The following MINDY2 variants were observed in gnomAD, a reference collection of about 807,000 sequenced individuals.
MINDY2 encodes MINDY lysine 48 deubiquitinase 2.
MINDY2 carries 52 observed loss-of-function variants against 68.2 expected under a neutral mutation model. The ratio of observed to expected loss-of-function variants is 0.76; its 90% CI spans 0.61 to 0.96. The LOEUF (loss-of-function observed/expected upper bound fraction) is 0.96, where lower values mean the gene tolerates loss of function less well. Ranked by LOEUF, MINDY2 falls within the 40% of genes least tolerant of loss-of-function variation. The pLI is 0.00. For synonymous variants in MINDY2, 372 were observed against 303.0 expected (o/e 1.23, Z -2.36); for missense variants, 881 against 773.4 (o/e 1.14, Z -1.65).
At chr15:58,810,529 C>T in intron 4 of MINDY2, 141 bp downstream of exon 4, 1 of 738,644 alleles carries the variant, frequency 1.4e-6, no homozygotes, top group South Asian at 2.2e-5. Flanking sequence ...AGGTTAAGAA[C>T]AGAGTCCTCC....
intron 7 of MINDY2, among the ~76,000 whole-genome samples, chr15:58,848,272 G>T (rs1416721540): frequency 3.3e-5 from 5 of 152,102 alleles, no homozygotes; most frequent in Non-Finnish European, 7.3e-5. Context: ...TGTTCAGTTA[G>T]CCAATATTCA....
At position 58,800,600 on chromosome 15, in the gene MINDY2, C is replaced by T. The variant is rs147014498; in HGVS notation, c.899-1713C>T. ...TGCTTTCTCCATTCATTCTTCCCCT[C>T]AAAAGATGCTTTTTCTCCCATTGCC... is the stretch of plus-strand genomic sequence containing the variant. On this transcript the variant is annotated intron_variant, in intron 2 of 8. Transcript: ENST00000559228. Among the ~76,000 whole-genome samples the T allele has an allele frequency of 5.1e-3, 778 of 151,810 alleles. 8 individuals are homozygous for T. Among genetic ancestry groups the T allele is most frequent in the African/African-American group, 0.018 (745 of 41,424 alleles).
intron 6 of MINDY2, among the ~76,000 whole-genome samples, chr15:58,832,786 A>G (rs1396169930): frequency 6.6e-6 from 1 of 152,136 alleles, no homozygotes; most frequent in Admixed American, 6.6e-5. Flanking sequence ...TCAGCCTCCC[A>G]AAGTGCTGGG....
At chr15:58,850,185 G>A (rs898779645) in intron 7 of MINDY2, among the ~76,000 whole-genome samples, 1 of 152,192 alleles carries the variant, frequency 6.6e-6, no homozygotes, top group Non-Finnish European at 1.5e-5. Context: ...TGACCAAAAT[G>A]CACTGTTTCT....
intron 2 of MINDY2, chr15:58,796,241 T>A: frequency 2.4e-6 from 1 of 424,402 alleles, no homozygotes; most frequent in Non-Finnish European, 4.8e-6. Flanking sequence ...GAATCTATGC[T>A]GTTGTAAAGA....
intron 5 of MINDY2, among the ~76,000 whole-genome samples, chr15:58,827,154 T>C (rs1003030867): frequency 7.9e-5 from 12 of 152,242 alleles, no homozygotes; most frequent in Admixed American, 2.6e-4. Context: ...TTATTGGTGA[T>C]GTTCAAATAT....
In MINDY2 at chr15:58,852,287, CAAAA is replaced by C. The variant is rs60365490; in HGVS notation, c.1737+337_1737+340del. Among the ~76,000 whole-genome samples, 25 of 61,932 alleles carry C rather than the reference CAAAA, an allele frequency of 4.0e-4. 1 individual carries two copies. The highest frequency in any genetic ancestry group is 6.0e-4 in the African/African-American group (10 of 16,592). 40.6% of individuals were successfully genotyped at this position (61,932 alleles called of 152,430 possible). A position where few individuals can be genotyped will look rare whatever the true frequency, so the allele number is the denominator to read the frequency against. ...AGGATGATAGAGCAAGACTCCTTCT[CAAAA>C]AAAAAAAAAAAAAAGATGATCACTT... On this transcript the variant is annotated intron_variant, in intron 8 of 8. Coordinates refer to ENST00000559228, the MANE Select transcript of MINDY2 (RefSeq NM_001040450.3).
chr15:58,787,140 C>A (rs1367383611), intron 1 of MINDY2, among the ~76,000 whole-genome samples: 1 of 78,152 alleles, frequency 1.3e-5, no homozygotes, highest in Non-Finnish European at 2.2e-5. Context: ...CATTTCTTTA[C>A]TTTTTTTTTT....
At chr15:58,827,462 G>A (rs1309951745) in intron 5 of MINDY2, among the ~76,000 whole-genome samples, 1 of 152,016 alleles carries the variant, frequency 6.6e-6, no homozygotes, top group East Asian at 1.9e-4. Context: ...ATAAACTCAT[G>A]GATTCCTTTT....
In MINDY2 at chr15:58,858,550, T is replaced by G. The variant is rs150138435; in HGVS notation, c.*3940T>G. ...TTGTTCATATATTAATGTTCACATG[T>G]GAACTACATATCTAAAATCTTGGAG... On this transcript the variant is annotated 3_prime_UTR_variant, in exon 9 of 9. Coordinates refer to ENST00000559228, the MANE Select transcript of MINDY2 (RefSeq NM_001040450.3). 2.0e-4 allele frequency: 31 copies of G among 152,298 alleles called. No individual in the cohort carries two copies. The highest frequency in any genetic ancestry group is 7.5e-4 in the African/African-American group (31 of 41,578). The allele number at this position is 152,298 out of a possible 1,614,324, so 9.4% of individuals were successfully genotyped here.
chr15:58,843,075 A>C (rs2032357825), intron 6 of MINDY2, among the ~76,000 whole-genome samples: 1 of 152,254 alleles, frequency 6.6e-6, no homozygotes, highest in African/African-American at 2.4e-5. Context: ...CAAATTATAA[A>C]GTACCTTAGA....
chr15:58,829,398 C>T (rs2031595237), intron 5 of MINDY2, among the ~76,000 whole-genome samples: 1 of 152,202 alleles, frequency 6.6e-6, no homozygotes, highest in Non-Finnish European at 1.5e-5. Context: ...TCCTAGGTTA[C>T]TGTCTTCCCT....
Position 58,847,294 on chromosome 15 carries a change from A to G in MINDY2, c.1369-3A>G, listed in dbSNP as rs1343974528. 1 of 1,547,486 alleles carries G rather than the reference A, an allele frequency of 6.5e-7. No homozygotes were observed. The highest frequency in any genetic ancestry group is 1.8e-5 in the Admixed American group (1 of 54,302). ...CCTTTTTCTTTTGTTACTTCTTATTAAGGGTCAACTGTATTTGTTGGTAAC... is the reference window on the plus strand; with the variant it reads ...CCTTTTTCTTTTGTTACTTCTTATTGAGGGTCAACTGTATTTGTTGGTAAC... On this transcript the variant is annotated splice_polypyrimidine_tract_variant and splice_region_variant and intron_variant, in intron 6 of 8. Coordinates refer to ENST00000559228, the MANE Select transcript of MINDY2 (RefSeq NM_001040450.3).
At chr15:58,810,810 C>G (rs193113299) in intron 4 of MINDY2, among the ~76,000 whole-genome samples, 7 of 152,322 alleles carry the variant, frequency 4.6e-5, no homozygotes, top group African/African-American at 1.4e-4. Context: ...ACGGCAGAAT[C>G]TAGGAGGGTT....
At chr15:58,782,240 T>C (rs946974731) in intron 1 of MINDY2, among the ~76,000 whole-genome samples, 4 of 152,168 alleles carry the variant, frequency 2.6e-5, no homozygotes, top group Non-Finnish European at 5.9e-5. Context: ...ATGAATACTA[T>C]ATATTCATGC....
Position 58,851,901 on chromosome 15 carries a change from CTCAATA to C in MINDY2, c.1674_1679del (p.Gln559_Tyr560del). The C allele has an allele frequency of 6.2e-7, 1 of 1,612,152 alleles. No individual in the cohort carries two copies. The highest frequency in any genetic ancestry group is 8.5e-7 in the Non-Finnish European group (1 of 1,179,594). On this transcript the variant is annotated inframe_deletion, in exon 8 of 9. Transcript: ENST00000559228. ...CAAGAGGAAGAGGACAGACGGGCTT[CTCAATA>C]CTATCAGGAACAGGAACAAGCAGCA...
intron 2 of MINDY2, among the ~76,000 whole-genome samples, chr15:58,801,912 C>T (rs1204774059): frequency 6.6e-6 from 1 of 152,228 alleles, no homozygotes; most frequent in Non-Finnish European, 1.5e-5. Context: ...GCCACCAAAC[C>T]CAGCCAGATG....
chr15:58,800,654 C>T (rs2076717385), intron 2 of MINDY2, among the ~76,000 whole-genome samples: 1 of 151,542 alleles, frequency 6.6e-6, no homozygotes, highest in Non-Finnish European at 1.5e-5. Context: ...TTTTCTGCAT[C>T]CAGTTTAGCT....
chr15:58,838,477 A>G (rs1482611360), intron 6 of MINDY2, among the ~76,000 whole-genome samples: 2 of 152,156 alleles, frequency 1.3e-5, no homozygotes, highest in African/African-American at 4.8e-5. Flanking sequence ...AGTGGTGTTT[A>G]CAACTAGGGG....
Sources: allele counts gnomAD v4.1 joint callset (sites outside exome capture counted in the v4.1 genomes callset), GRCh38; gene constraint gnomAD v4.1.1; transcripts MANE v1.5; gene names NCBI Gene and HGNC (gene_info 2026-07-23, HGNC 2026-07-21).